TKT: variants seen among roughly 807,000 people sequenced by gnomAD.
TKT encodes epididymis luminal protein 107.
A neutral mutation model predicts 63.9 loss-of-function variants in TKT; 47 were observed. The observed-to-expected ratio is 0.74, with a 90% confidence interval of 0.58 to 0.94. The LOEUF (loss-of-function observed/expected upper bound fraction) is 0.94, where lower values mean the gene tolerates loss of function less well. Ranked by LOEUF, TKT falls within the 40% of genes least tolerant of loss-of-function variation. The pLI is 0.00. For synonymous variants in TKT, 338 were observed against 334.1 expected (o/e 1.01, Z -0.13); for missense variants, 721 against 846.2 (o/e 0.85, Z 1.84).
rs142009300 is a variant in TKT, at chr3:53,229,182, C to G, written c.1265-45G>C. On this transcript the variant is annotated intron_variant, in intron 9 of 13. Transcript: ENST00000462138. ...ATATGCAGAAATAAGACCCCTACCC[C>G]CCCATCCATGGGCTGGAATCCTGGC... is the stretch of plus-strand genomic sequence containing the variant. 1,338 of 1,613,706 alleles carry G rather than the reference C, an allele frequency of 8.3e-4. 9 individuals are homozygous for G. The African/African-American group carries it at 0.015, about 19-fold the overall frequency.
intron 2 of TKT, 108 bp downstream of exon 2, chr3:53,242,017 G>T: frequency 2.0e-6 from 2 of 1,004,406 alleles, no homozygotes; most frequent in Non-Finnish European, 3.1e-6. Flanking sequence ...AGGCACCTGG[G>T]AGAGGTGGGC....
Position 53,226,839 on chromosome 3 carries a change from T to C in TKT, c.1613A>G (p.Lys538Arg). Reference sequence around the variant, plus strand: ...GAGAATGAGTTTTCTGTCCAGGGGCTTGATGGTGAAGGGGTCCAGCACGCG... The same window carrying C: ...GAGAATGAGTTTTCTGTCCAGGGGCCTGATGGTGAAGGGGTCCAGCACGCG... ...NIRVLDPFTIKPLDRKLILDS... is the reference protein window; with the variant it reads ...NIRVLDPFTIRPLDRKLILDS... The change falls in exon 13 of 14, where the codon AAG (lysine) becomes AGG (arginine). Residue 538 changes from lysine to arginine, a missense_variant. Physicochemically the swap from Lys to Arg is conservative, Grantham distance 26. Coordinates refer to ENST00000462138, the MANE Select transcript of TKT (RefSeq NM_001064.4). The C allele has an allele frequency of 1.9e-6, 3 of 1,613,762 alleles. No individual in the cohort carries two copies. The highest frequency in any genetic ancestry group is 2.5e-6 in the Non-Finnish European group (3 of 1,179,794).
chr3:53,229,102 G>C lies in TKT; in HGVS notation c.1300C>G (p.Leu434Val). The change falls in exon 10 of 14, where the codon CTG becomes GTG. Residue 434 changes from leucine to valine, a missense_variant. Coordinates refer to ENST00000462138, the MANE Select transcript of TKT (RefSeq NM_001064.4). ...DGPSQMALED[L>V]AMFRSVPTST... is the part of the protein sequence containing the mutation. Reference sequence around the variant, plus strand: ...GTGGGGACTGACCGAAACATAGCCAGATCTTCTAGGGCCATCTGGGAGGGC... The same window carrying C: ...GTGGGGACTGACCGAAACATAGCCACATCTTCTAGGGCCATCTGGGAGGGC... The C allele has an allele frequency of 6.2e-7, 1 of 1,614,196 alleles. No homozygotes were observed.
In TKT at chr3:53,229,081, G is replaced by C; in HGVS notation, c.1321C>G (p.Pro441Ala). 1.2e-6 allele frequency: 2 copies of C among 1,614,134 alleles called. No homozygotes were observed. Among genetic ancestry groups the C allele is most frequent in the South Asian group, 2.2e-5 (2 of 91,084 alleles). The change falls in exon 10 of 14, where the codon CCC (proline) becomes GCC (alanine). Residue 441 changes from proline (P) to alanine (A), a missense_variant. By Grantham distance (27) the Pro-to-Ala change is conservative. Coordinates refer to ENST00000462138, the MANE Select transcript of TKT (RefSeq NM_001064.4). ...LEDLAMFRSV[P>A]TSTVFYPSDG... The stretch of plus-strand genomic sequence containing the variant: ...CTTGGGTAAAAGACAGTTGATGTGG[G>C]GACTGACCGAAACATAGCCAGATCT...
intron 13 of TKT, 151 bp from the exon 14 acceptor site, chr3:53,226,082 G>GTTT (rs138972486): frequency 4.7e-6 from 3 of 638,590 alleles, no homozygotes; most frequent in South Asian, 5.8e-5. Context: ...ATAACTCATT[G>GTTT]ATTTTTTTTA....
At chr3:53,247,086 G>A (rs1315741209) in intron 1 of TKT, among the ~76,000 whole-genome samples, 1 of 150,706 alleles carries the variant, frequency 6.6e-6, no homozygotes, top group African/African-American at 2.4e-5. Context: ...AAATATTCAG[G>A]TGGCTCACGC....
At chr3:53,235,982 C>G (rs1241657190) in intron 4 of TKT, among the ~76,000 whole-genome samples, 2 of 35,050 alleles carry the variant, frequency 5.7e-5, no homozygotes, top group Non-Finnish European at 1.8e-4. Context: ...AGAGGGACGG[C>G]AGCAACAGAC....
At chr3:53,249,675 C>T (rs782347315) in intron 1 of TKT, among the ~76,000 whole-genome samples, 40 of 152,176 alleles carry the variant, frequency 2.6e-4, no homozygotes, top group African/African-American at 8.7e-4. Flanking sequence ...GTGTAGTCCT[C>T]GGAGATTCCA....
At chr3:53,228,013 A>C in intron 12 of TKT, 43 bp downstream of exon 12, 1 of 1,556,386 alleles carries the variant, frequency 6.4e-7, no homozygotes, top group Non-Finnish European at 8.8e-7. Flanking sequence ...CCTAGCATGC[A>C]GTGGCCGCTC....
chr3:53,253,265 G>A (rs1378690320), intron 1 of TKT, among the ~76,000 whole-genome samples: 1 of 152,034 alleles, frequency 6.6e-6, no homozygotes, highest in Non-Finnish European at 1.5e-5. Flanking sequence ...GTAACACCAT[G>A]CCCAACTATT....
At chr3:53,226,676 C>A in intron 13 of TKT, 80 bp downstream of exon 13, 1 of 1,601,332 alleles carries the variant, frequency 6.2e-7, no homozygotes. Context: ...CCTCCTGGGG[C>A]TCAGATAGAA....
intron 10 of TKT, chr3:53,228,746 G>C (rs1222316010): frequency 3.6e-6 from 2 of 557,930 alleles, no homozygotes; most frequent in African/African-American, 3.8e-5. Flanking sequence ...GGGTGGAGAG[G>C]TGTCAACCGC....
chr3:53,235,218 C>T (rs1305820540), intron 4 of TKT, 44 bp from the exon 5 acceptor site: 6 of 1,531,116 alleles, frequency 3.9e-6, no homozygotes, highest in Non-Finnish European at 5.3e-6. Flanking sequence ...TCACCTGGAC[C>T]CAGCTGGCTC....
chr3:53,233,084 C>T (rs2242300), intron 6 of TKT, 72 bp downstream of exon 6: 9 of 1,299,288 alleles, frequency 6.9e-6, no homozygotes, highest in South Asian at 1.3e-5. Flanking sequence ...CCTGGATGTG[C>T]GGGTCAGAGC....
intron 1 of TKT, among the ~76,000 whole-genome samples, chr3:53,252,762 C>A (rs1486451466): frequency 6.6e-6 from 1 of 152,194 alleles, no homozygotes; most frequent in Non-Finnish European, 1.5e-5. Context: ...TGACTAATAT[C>A]CACCGCGGCT....
chr3:53,230,594 C>A lies in TKT; in HGVS notation c.970G>T (p.Ala324Ser). The A allele has an allele frequency of 4.3e-6, 7 of 1,614,228 alleles. No individual in the cohort carries two copies. Among genetic ancestry groups the A allele is most frequent in the Middle Eastern group, 3.3e-4 (2 of 6,062 alleles). The change falls in exon 8 of 14, where the codon GCA (alanine) becomes TCA (serine). Residue 324 changes from alanine (A) to serine (S), a missense_variant. Ala to Ser is a moderately conservative substitution (Grantham distance 99). Coordinates refer to ENST00000462138, the MANE Select transcript of TKT (RefSeq NM_001064.4). The part of the protein sequence containing the change: ...KIATRKAYGQ[A>S]LAKLGHASDR... Reference sequence around the variant, plus strand: ...CTGGCATGGCCCAGCTTGGCCAGTGCCTGCCCGTAGGCCTTGCGGGTGGCT... The same window carrying A: ...CTGGCATGGCCCAGCTTGGCCAGTGACTGCCCGTAGGCCTTGCGGGTGGCT...
At chr3:53,252,837 A>G (rs546887617) in intron 1 of TKT, among the ~76,000 whole-genome samples, 15 of 142,338 alleles carry the variant, frequency 1.1e-4, no homozygotes, top group Non-Finnish European at 1.9e-4. Flanking sequence ...CTTGCCCAAG[A>G]GGCATTCTTT....
In TKT at chr3:53,229,090, G is replaced by A. The variant is rs782490183; in HGVS notation, c.1312C>T (p.Arg438Trp). 21 of 1,614,016 alleles carry A rather than the reference G, an allele frequency of 1.3e-5. No homozygotes were observed. Among genetic ancestry groups the A allele is most frequent in the Non-Finnish European group, 1.6e-5 (19 of 1,180,016 alleles). The stretch of plus-strand genomic sequence containing the variant: ...AAGACAGTTGATGTGGGGACTGACC[G>A]AAACATAGCCAGATCTTCTAGGGCC... Reference protein sequence around the residue: ...QMALEDLAMFRSVPTSTVFYP... With the variant: ...QMALEDLAMFWSVPTSTVFYP... Residue 438 changes from arginine (R) to tryptophan (W), a missense_variant, in exon 10 of 14, where the codon CGG becomes TGG. Transcript: ENST00000462138.
chr3:53,237,039 G>A (rs1705064099), intron 4 of TKT, among the ~76,000 whole-genome samples: 1 of 152,202 alleles, frequency 6.6e-6, no homozygotes, highest in South Asian at 2.1e-4. Flanking sequence ...CAAAGGACTG[G>A]CTAGATGGAT....
Sources: allele counts gnomAD v4.1 joint callset (sites outside exome capture counted in the v4.1 genomes callset), GRCh38; gene constraint gnomAD v4.1.1; transcripts MANE v1.5; gene names NCBI Gene and HGNC (gene_info 2026-07-23, HGNC 2026-07-21).